MAP3K5: variants seen among roughly 807,000 people sequenced by gnomAD.
MAP3K5 encodes the protein mitogen-activated protein kinase kinase kinase 5.
A neutral mutation model predicts 158.7 loss-of-function variants in MAP3K5; 56 were observed. The ratio of observed to expected loss-of-function variants is 0.35; its 90% CI spans 0.28 to 0.44. The LOEUF is 0.44. MAP3K5 is among the 20% of genes least tolerant of loss of function. The pLI, the probability that MAP3K5 is intolerant of heterozygous loss-of-function variation, is 1.00. For synonymous variants in MAP3K5, 579 were observed against 601.7 expected, an observed-to-expected ratio of 0.96 and a Z score of 0.55; for missense variants, 1,294 against 1,674.8, an observed-to-expected ratio of 0.77 and a Z score of 3.97.
chr6:136,636,559 G>A (rs1464073114), intron 14 of MAP3K5, among the ~76,000 whole-genome samples: 1 of 152,178 alleles, frequency 6.6e-6, no homozygotes, highest in Non-Finnish European at 1.5e-5. Context: ...AGTCAGCATT[G>A]TTGACACACT....
At chr6:136,655,350 G>T (rs1189258224) in intron 10 of MAP3K5, among the ~76,000 whole-genome samples, 1 of 152,242 alleles carries the variant, frequency 6.6e-6, no homozygotes, top group Admixed American at 6.5e-5. Flanking sequence ...AAAATAAAGT[G>T]AAGTGTTTCA....
intron 2 of MAP3K5, among the ~76,000 whole-genome samples, chr6:136,717,930 C>G (rs1289502143): frequency 6.6e-6 from 1 of 152,078 alleles, no homozygotes; most frequent in Non-Finnish European, 1.5e-5. Context: ...AAGGATGTTA[C>G]CTAGGAAAAC....
At chr6:136,641,864 C>T (rs1214468448) in intron 12 of MAP3K5, among the ~76,000 whole-genome samples, 6 of 151,064 alleles carry the variant, frequency 4.0e-5, no homozygotes, top group South Asian at 2.1e-4. Context: ...GACATGCGCC[C>T]GTAATCCCAG....
At chr6:136,705,346 G>A (rs191177933) in intron 2 of MAP3K5, among the ~76,000 whole-genome samples, 11 of 152,278 alleles carry the variant, frequency 7.2e-5, no homozygotes, top group Non-Finnish European at 1.2e-4. Context: ...CCAGGCTGGA[G>A]TACAATGGCA....
chr6:136,586,019 C>T (rs974646182), intron 23 of MAP3K5, among the ~76,000 whole-genome samples: 5 of 152,092 alleles, frequency 3.3e-5, no homozygotes, highest in South Asian at 2.1e-4. Context: ...AATGCACCAT[C>T]GAGTTCTTTC....
intron 21 of MAP3K5, among the ~76,000 whole-genome samples, chr6:136,598,936 C>A (rs2129084318): frequency 6.6e-6 from 1 of 152,256 alleles, no homozygotes; most frequent in Middle Eastern, 3.4e-3. Context: ...CTTTGGGAGG[C>A]CGAGGTGGTA....
chr6:136,575,835 G>T (rs1359670883), intron 25 of MAP3K5, among the ~76,000 whole-genome samples: 3 of 152,136 alleles, frequency 2.0e-5, no homozygotes, highest in African/African-American at 7.2e-5. Context: ...TTTGGTTGAG[G>T]GGGTGTCTGC....
intron 1 of MAP3K5, among the ~76,000 whole-genome samples, chr6:136,766,284 G>T (rs1582667286): frequency 6.6e-6 from 1 of 152,188 alleles, no homozygotes; most frequent in East Asian, 1.9e-4. Context: ...ACAAGGCCAA[G>T]CAATAACTCC....
chr6:136,790,054 A>G lies in MAP3K5; in HGVS notation c.448+1656T>C, dbSNP rs369219184. 2.6e-4 allele frequency among the ~76,000 whole-genome samples: 40 copies of G among 152,206 alleles called. 2 individuals carry two copies. Among genetic ancestry groups the G allele is most frequent in the Admixed American group, 1.1e-3 (17 of 15,296 alleles). On this transcript the variant is annotated intron_variant, in intron 1 of 29. Transcript: ENST00000359015. Reference sequence around the variant, plus strand: ...ATCCTGCATTGGCCACTTACTCCCTATGAATCCTAGGGCCAGTTAGGGATC... The same window carrying G: ...ATCCTGCATTGGCCACTTACTCCCTGTGAATCCTAGGGCCAGTTAGGGATC...
At chr6:136,741,468 T>C (rs1782705662) in intron 1 of MAP3K5, among the ~76,000 whole-genome samples, 1 of 151,886 alleles carries the variant, frequency 6.6e-6, no homozygotes, top group Non-Finnish European at 1.5e-5. Flanking sequence ...TGTTGATAAT[T>C]TGCAGTCAAA....
intron 15 of MAP3K5, among the ~76,000 whole-genome samples, chr6:136,621,289 G>A (rs1776789913): frequency 1.3e-5 from 2 of 151,920 alleles, no homozygotes; most frequent in Non-Finnish European, 2.9e-5. Context: ...ATTATTCCTA[G>A]GATTTCCATC....
In MAP3K5 at chr6:136,790,864, T is replaced by C. The variant is rs115347325; in HGVS notation, c.448+846A>G. 3.2e-3 allele frequency among the ~76,000 whole-genome samples: 494 copies of C among 152,364 alleles called. 6 individuals are homozygous for C. Among genetic ancestry groups the C allele is most frequent in the African/African-American group, 0.011 (478 of 41,584 alleles). On this transcript the variant is annotated intron_variant, in intron 1 of 29. Coordinates refer to ENST00000359015, the MANE Select transcript of MAP3K5 (RefSeq NM_005923.4). Reference sequence around the variant, plus strand: ...TAACATTTGCTAACAGCTAAGTGCTTCAGTTACTAGAACTGCCTTAACATT... The same window carrying C: ...TAACATTTGCTAACAGCTAAGTGCTCCAGTTACTAGAACTGCCTTAACATT...
At chr6:136,635,493 C>A (rs1348247319) in intron 14 of MAP3K5, among the ~76,000 whole-genome samples, 1 of 152,068 alleles carries the variant, frequency 6.6e-6, no homozygotes, top group African/African-American at 2.4e-5. Context: ...GGCCTGTCAT[C>A]TTTTTACATC....
rs74908811 is a variant in MAP3K5 at position 136,711,111 on chromosome 6, T to C, written c.589-5978A>G. ...AGCCGTGACACAGAGTCTTTAAAGATAGATAGGAAACAAAGTACTTTTGTG... is the reference window on the plus strand; with the variant it reads ...AGCCGTGACACAGAGTCTTTAAAGACAGATAGGAAACAAAGTACTTTTGTG... On this transcript the variant is annotated intron_variant, in intron 2 of 29. Coordinates refer to ENST00000359015, the MANE Select transcript of MAP3K5 (RefSeq NM_005923.4). 7.5e-3 allele frequency among the ~76,000 whole-genome samples: 1,139 copies of C among 151,974 alleles called. 7 individuals are homozygous for C. The highest frequency in any genetic ancestry group is 0.012 in the Non-Finnish European group (794 of 67,990).
Position 136,611,332 on chromosome 6 carries a change from C to T in MAP3K5, c.2471G>A (p.Gly824Glu), listed in dbSNP as rs760052487. The T allele has an allele frequency of 1.9e-6, 3 of 1,613,384 alleles. No individual in the cohort carries two copies. Among genetic ancestry groups the T allele is most frequent in the Non-Finnish European group, 1.7e-6 (2 of 1,179,624 alleles). Reference sequence around the variant, plus strand: ...TATGCCAGCAAGCCTCTTTGATGTTCCGAAGTCAGAGATCTTGAGAACACC... The same window carrying T: ...TATGCCAGCAAGCCTCTTTGATGTTTCGAAGTCAGAGATCTTGAGAACACC... ...YSGVLKISDF[G>E]TSKRLAGINP... Residue 824 changes from glycine (G) to glutamate (E), a missense_variant, in exon 18 of 30, where the codon GGA becomes GAA. Physicochemically the swap from Gly to Glu is moderately conservative, Grantham distance 98 (BLOSUM62 -2). Around this residue, in one of 5 missense-constraint regions of MAP3K5, gnomAD observed 362 missense variants for 463.2 expected, o/e 0.78. Coordinates refer to ENST00000359015, the MANE Select transcript of MAP3K5 (RefSeq NM_005923.4).
chr6:136,741,508 CA>C (rs200044025), intron 1 of MAP3K5, among the ~76,000 whole-genome samples: 460 of 124,946 alleles, frequency 3.7e-3, no homozygotes, highest in Middle Eastern at 0.012. Context: ...CAAATACCTA[CA>C]AAAAAAAAAA....
intron 2 of MAP3K5, among the ~76,000 whole-genome samples, chr6:136,707,599 G>A (rs1781136225): frequency 6.6e-6 from 1 of 152,168 alleles, no homozygotes. Context: ...TTTGGCTAAA[G>A]CAGAAAGTTC....
At chr6:136,566,843 T>C (rs1774132993) in intron 26 of MAP3K5, among the ~76,000 whole-genome samples, 1 of 152,234 alleles carries the variant, frequency 6.6e-6, no homozygotes, top group Non-Finnish European at 1.5e-5. Flanking sequence ...AAATAAGATA[T>C]TTTTAATCTC....
chr6:136,628,897 T>C (rs536382448), intron 14 of MAP3K5, among the ~76,000 whole-genome samples: 1 of 152,186 alleles, frequency 6.6e-6, no homozygotes, highest in Non-Finnish European at 1.5e-5. Context: ...AAGAGACTGG[T>C]TCAGCCTAGA....
Sources: allele counts gnomAD v4.1 joint callset (sites outside exome capture counted in the v4.1 genomes callset), GRCh38; gene constraint gnomAD v4.1.1; regional missense constraint gnomAD v4.1.1; transcripts MANE v1.5; gene names NCBI Gene and HGNC (gene_info 2026-07-23, HGNC 2026-07-21).